The following AGBL4 variants were observed in gnomAD, a reference collection of about 807,000 sequenced individuals.
AGBL4 encodes the protein AGBL carboxypeptidase 4.
Under a neutral mutation model 66.4 loss-of-function variants are expected in AGBL4, and 58 were observed. The observed-to-expected ratio is 0.87, with a 90% CI of 0.71 to 1.09. The LOEUF is 1.09. Ranked by LOEUF, AGBL4 falls within the 50% of genes least tolerant of loss-of-function variation. AGBL4 has a pLI of 0.00. For synonymous variants in AGBL4, 234 were observed against 222.9 expected (o/e 1.05, Z -0.44); for missense variants, 579 against 631.0 (o/e 0.92, Z 0.88).
At chr1:49,837,713 C>T (rs151296237) in intron 2 of AGBL4, among the ~76,000 whole-genome samples, 2 of 152,270 alleles carry the variant, frequency 1.3e-5, no homozygotes, top group Non-Finnish European at 2.9e-5. Flanking sequence ...AGTGTGGTGG[C>T]AGGCACCTGT....
chr1:49,990,959 T>C (rs1364052882), intron 1 of AGBL4, among the ~76,000 whole-genome samples: 1 of 152,192 alleles, frequency 6.6e-6, no homozygotes, highest in Non-Finnish European at 1.5e-5. Context: ...TTAAAGATTA[T>C]ATGCGTAATC....
At chr1:48,712,230 C>T (rs1646979048) in intron 6 of AGBL4, among the ~76,000 whole-genome samples, 1 of 152,178 alleles carries the variant, frequency 6.6e-6, no homozygotes, top group Admixed American at 6.5e-5. Flanking sequence ...GTTCCACAAA[C>T]CTGTGTTGAG....
intron 2 of AGBL4, among the ~76,000 whole-genome samples, chr1:49,753,464 C>T (rs533945362): frequency 1.8e-4 from 28 of 152,208 alleles, no homozygotes; most frequent in South Asian, 1.0e-3. Flanking sequence ...CTTCCCTTTG[C>T]GGGTAATCTG....
chr1:49,705,824 C>T (rs1647202185), intron 2 of AGBL4, among the ~76,000 whole-genome samples: 1 of 151,626 alleles, frequency 6.6e-6, no homozygotes, highest in African/African-American at 2.4e-5. Context: ...GTCATTGGTT[C>T]TGTTTATGTG....
intron 2 of AGBL4, among the ~76,000 whole-genome samples, chr1:49,719,857 T>C (rs1648459605): frequency 6.6e-6 from 1 of 152,124 alleles, no homozygotes; most frequent in South Asian, 2.1e-4. Context: ...GCTTTCCCCC[T>C]TTTGCTCAGC....
At chr1:48,619,228 G>T (rs575217167) in intron 9 of AGBL4, among the ~76,000 whole-genome samples, 1 of 152,188 alleles carries the variant, frequency 6.6e-6, no homozygotes, top group Non-Finnish European at 1.5e-5. Flanking sequence ...TGTATTAGGC[G>T]CTATGCTCTG....
At chr1:48,871,999 G>T (rs1648725283) in intron 5 of AGBL4, among the ~76,000 whole-genome samples, 1 of 152,034 alleles carries the variant, frequency 6.6e-6, no homozygotes, top group Non-Finnish European at 1.5e-5. Flanking sequence ...CTAAGTTAAA[G>T]AACCTATCTT....
intron 7 of AGBL4, among the ~76,000 whole-genome samples, chr1:48,658,560 G>A (rs988382498): frequency 6.6e-6 from 1 of 152,198 alleles, no homozygotes; most frequent in Admixed American, 6.5e-5. Flanking sequence ...CGGAGTATAA[G>A]TCCTCACCCT....
chr1:48,947,903 T>G lies in AGBL4; in HGVS notation c.595-80673A>C, dbSNP rs577490232. Reference sequence around the variant, plus strand: ...AAATACAGGTTTTTTGTTTTGTTTTTTTTTTTGAGATGGAGTCTCACTCGT... The same window carrying G: ...AAATACAGGTTTTTTGTTTTGTTTTGTTTTTTGAGATGGAGTCTCACTCGT... On this transcript the variant is annotated intron_variant, in intron 5 of 13. Coordinates refer to ENST00000371839, the MANE Select transcript of AGBL4 (RefSeq NM_032785.4). 2.4e-4 allele frequency among the ~76,000 whole-genome samples: 36 copies of G among 152,224 alleles called. No homozygotes were observed. The South Asian group carries it at 3.9e-3, about 17-fold the overall frequency.
intron 3 of AGBL4, among the ~76,000 whole-genome samples, chr1:49,258,438 A>G (rs987829678): frequency 2.0e-5 from 3 of 152,182 alleles, no homozygotes; most frequent in Non-Finnish European, 4.4e-5. Flanking sequence ...TAACTAGAAT[A>G]ACCAATATAG....
At chr1:48,892,859 C>A (rs2148858268) in intron 5 of AGBL4, among the ~76,000 whole-genome samples, 1 of 152,236 alleles carries the variant, frequency 6.6e-6, no homozygotes, top group Admixed American at 6.5e-5. Context: ...TTGGAGAAAG[C>A]ATTTTAAAAG....
At chr1:48,812,144 G>A (rs1646066182) in intron 6 of AGBL4, among the ~76,000 whole-genome samples, 1 of 152,164 alleles carries the variant, frequency 6.6e-6, no homozygotes, top group Non-Finnish European at 1.5e-5. Context: ...GTCTTTGTGG[G>A]CATCAAAATG....
intron 3 of AGBL4, among the ~76,000 whole-genome samples, chr1:49,309,267 T>G (rs528266184): frequency 6.6e-6 from 1 of 152,246 alleles, no homozygotes; most frequent in African/African-American, 2.4e-5. Context: ...AGATTATTTG[T>G]GTACATGTAC....
At chr1:49,981,024 T>TATTACATG (rs1455272139) in intron 1 of AGBL4, among the ~76,000 whole-genome samples, 8 of 152,312 alleles carry the variant, frequency 5.3e-5, no homozygotes, top group African/African-American at 1.9e-4. Context: ...TTTAATTGAG[T>TATTACATG]ATTACATAAA....
intron 3 of AGBL4, among the ~76,000 whole-genome samples, chr1:49,377,510 C>A (rs1020849751): frequency 2.6e-5 from 4 of 152,164 alleles, no homozygotes; most frequent in East Asian, 1.9e-4. Flanking sequence ...AGGGAAGAAT[C>A]TTCACATGTC....
chr1:48,752,678 T>TGCAC, intron 6 of AGBL4, among the ~76,000 whole-genome samples: 1 of 152,304 alleles, frequency 6.6e-6, no homozygotes, highest in East Asian at 1.9e-4. Flanking sequence ...AATGATTCTA[T>TGCAC]ATCTTGATGC....
At chr1:49,010,083 C>A (rs1364138757) in intron 5 of AGBL4, among the ~76,000 whole-genome samples, 6 of 152,190 alleles carry the variant, frequency 3.9e-5, no homozygotes, top group Non-Finnish European at 5.9e-5. Flanking sequence ...AAGAGGAAGT[C>A]AAATTGTCCC....
At chr1:49,774,612 C>G (rs1042516843) in intron 2 of AGBL4, among the ~76,000 whole-genome samples, 1 of 152,150 alleles carries the variant, frequency 6.6e-6, no homozygotes, top group Admixed American at 6.5e-5. Context: ...ATTTGTGATT[C>G]TATCTTAATT....
intron 4 of AGBL4, among the ~76,000 whole-genome samples, chr1:49,068,091 C>T (rs1644525085): frequency 6.6e-6 from 1 of 152,136 alleles, no homozygotes; most frequent in South Asian, 2.1e-4. Flanking sequence ...TGATTAGAAC[C>T]TTGCGTTTGT....
Sources: allele counts gnomAD v4.1 joint callset (sites outside exome capture counted in the v4.1 genomes callset), GRCh38; gene constraint gnomAD v4.1.1; transcripts MANE v1.5; gene names NCBI Gene and HGNC (gene_info 2026-07-23, HGNC 2026-07-21).